The following SAMD12 variants were observed in gnomAD, a reference collection of about 807,000 sequenced individuals.
SAMD12 encodes the protein sterile alpha motif domain-containing protein 12.
A neutral mutation model predicts 15.0 loss-of-function variants in SAMD12; 9 were observed. That is an observed-to-expected ratio of 0.60 (90% confidence interval 0.36 to 1.05). The LOEUF is 1.05. Ranked by LOEUF, SAMD12 falls within the 50% of genes least tolerant of loss-of-function variation. SAMD12 has a pLI of 0.01. For missense variants in SAMD12, 230 were observed against 234.2 expected, an observed-to-expected ratio of 0.98 and a Z score of 0.12; for synonymous variants, 86 against 90.1, an observed-to-expected ratio of 0.96 and a Z score of 0.25.
chr8:118,167,577 G>T, the SAMD12 span, among the ~76,000 whole-genome samples: 1 of 142,094 alleles, frequency 7.0e-6, no homozygotes, highest in East Asian at 1.9e-4. Flanking sequence ...ATGCTATCAG[G>T]AAGTGGGGGA....
intron 2 of SAMD12, among the ~76,000 whole-genome samples, chr8:118,503,878 CACA>C (rs1226584727): frequency 6.6e-6 from 1 of 152,140 alleles, no homozygotes; most frequent in African/African-American, 2.4e-5. Flanking sequence ...GTCTGAGGGG[CACA>C]ACAACACTCA....
At chr8:118,238,878 G>A (rs1812497035) in intron 4 of SAMD12, among the ~76,000 whole-genome samples, 1 of 152,114 alleles carries the variant, frequency 6.6e-6, no homozygotes, top group African/African-American at 2.4e-5. Flanking sequence ...CGTTGAATCT[G>A]ATTACAGGGC....
At chr8:118,416,869 C>T (rs1203952333) in intron 3 of SAMD12, among the ~76,000 whole-genome samples, 1 of 152,064 alleles carries the variant, frequency 6.6e-6, no homozygotes, top group East Asian at 1.9e-4. Flanking sequence ...TAACTTTTTG[C>T]ATTTTCGTTT....
chr8:118,524,448 C>A (rs1489230458), intron 2 of SAMD12, among the ~76,000 whole-genome samples: 1 of 152,104 alleles, frequency 6.6e-6, no homozygotes, highest in African/African-American at 2.4e-5. Context: ...TCCCTGATTT[C>A]TAAATATTGG....
intron 4 of SAMD12, among the ~76,000 whole-genome samples, chr8:118,370,875 A>T (rs10216338): frequency 0.16 from 23,747 of 151,998 alleles, 2,122 homozygotes; most frequent in Non-Finnish European, 0.18. Flanking sequence ...GGTGCAGCAA[A>T]CCACCATGGT....
intron 3 of SAMD12, among the ~76,000 whole-genome samples, chr8:118,425,608 G>A (rs1822208877): frequency 6.6e-6 from 1 of 152,178 alleles, no homozygotes; most frequent in Non-Finnish European, 1.5e-5. Context: ...TAGTTTCTCC[G>A]ATAGAGTATA....
Position 118,198,317 on chromosome 8 carries a change from C to T in SAMD12, c.434-585G>A, listed in dbSNP as rs1819623142. On this transcript the variant is annotated intron_variant, in intron 4 of 4. Transcript: ENST00000409003. ...AGAGATTAAACTAATTGAATTGCAA[C>T]CCTGCTTTTGGGCTTGGGAGTGCTA... Among the ~76,000 whole-genome samples the T allele has an allele frequency of 3.3e-5, 5 of 152,052 alleles. No individual in the cohort carries two copies. The South Asian group carries it at 1.0e-3, about 32-fold the overall frequency.
chr8:118,440,696 AAAC>A (rs1563861869), intron 2 of SAMD12, among the ~76,000 whole-genome samples: 1,621 of 137,846 alleles, frequency 0.012, 32 homozygotes, highest in African/African-American at 0.044. Flanking sequence ...ACACACACAC[AAAC>A]ACACACACAC....
intron 2 of SAMD12, among the ~76,000 whole-genome samples, chr8:118,548,957 C>T (rs926691282): frequency 1.2e-4 from 19 of 152,240 alleles, no homozygotes; most frequent in Admixed American, 2.6e-4. Flanking sequence ...AAGTGCAAGG[C>T]GGCAGCCAGG....
chr8:118,547,352 G>A (rs959860400), intron 2 of SAMD12, among the ~76,000 whole-genome samples: 1 of 151,728 alleles, frequency 6.6e-6, no homozygotes, highest in Admixed American at 6.6e-5. Flanking sequence ...TTTTTTTGGT[G>A]TCCTTTGAGT....
At position 118,553,996 on chromosome 8, in the gene SAMD12, C is replaced by A. The variant is rs202039228; in HGVS notation, c.192+26719G>T. On this transcript the variant is annotated intron_variant, in intron 2 of 3. Coordinates refer to ENST00000314727, the MANE Select transcript of SAMD12 (RefSeq NM_207506.3). ...AACCACAGTGAGATATCATCTCACA[C>A]CAGTTAGAATGGCAATCATTAAAAA... 3.5e-3 allele frequency among the ~76,000 whole-genome samples: 534 copies of A among 152,210 alleles called. 22 individuals are homozygous for A. The East Asian group carries it at 0.089, about 25-fold the overall frequency.
At chr8:118,574,246 G>A (rs1327575997) in intron 2 of SAMD12, among the ~76,000 whole-genome samples, 6 of 152,274 alleles carry the variant, frequency 3.9e-5, no homozygotes, top group East Asian at 3.9e-4. Context: ...GAATTTAGTG[G>A]GCTCTGATAC....
intron 1 of SAMD12, among the ~76,000 whole-genome samples, chr8:118,589,608 G>A (rs1456791157): frequency 6.6e-6 from 1 of 152,178 alleles, no homozygotes; most frequent in Non-Finnish European, 1.5e-5. Context: ...TCATTCATGA[G>A]GAGAATACAA....
At chr8:118,582,522 TCTC>T (rs549606055) in intron 1 of SAMD12, among the ~76,000 whole-genome samples, 1 of 152,228 alleles carries the variant, frequency 6.6e-6, no homozygotes, top group South Asian at 2.1e-4. Context: ...GAATTTCTCT[TCTC>T]CTAGTCTCTA....
intron 4 of SAMD12, among the ~76,000 whole-genome samples, chr8:118,212,774 T>A (rs532007826): frequency 6.6e-6 from 1 of 152,336 alleles, no homozygotes; most frequent in Admixed American, 6.5e-5. Flanking sequence ...AGTGAAGTAA[T>A]GAAGATATGC....
intron 2 of SAMD12, among the ~76,000 whole-genome samples, chr8:118,560,277 A>G (rs1158900053): frequency 1.3e-5 from 2 of 152,236 alleles, no homozygotes; most frequent in African/African-American, 4.8e-5. Flanking sequence ...GGACCCAGGT[A>G]AGGAGAAGTT....
At chr8:118,476,643 G>C (rs1373655670) in intron 2 of SAMD12, among the ~76,000 whole-genome samples, 1 of 152,180 alleles carries the variant, frequency 6.6e-6, no homozygotes, top group Non-Finnish European at 1.5e-5. Flanking sequence ...AGTGATAGAG[G>C]AGACTAAAGG....
At chr8:118,208,292 T>C (rs1340848230) in intron 4 of SAMD12, among the ~76,000 whole-genome samples, 4 of 152,178 alleles carry the variant, frequency 2.6e-5, no homozygotes, top group Non-Finnish European at 5.9e-5. Context: ...AATAAAAAAG[T>C]ATTAATGAAT....
chr8:118,162,580 C>T, the SAMD12 span, among the ~76,000 whole-genome samples: 1 of 152,042 alleles, frequency 6.6e-6, no homozygotes, highest in African/African-American at 2.4e-5. Context: ...AGATGTCCAA[C>T]AGACAGATGA....
Sources: gnomAD v4.1 joint callset for allele counts (sites outside exome capture counted in the v4.1 genomes callset) on GRCh38, gnomAD v4.1.1 for gene constraint, MANE v1.5 for transcripts, NCBI Gene and HGNC (gene_info 2026-07-23, HGNC 2026-07-21) for gene names.